RAPGEF5: variants seen among roughly 807,000 people sequenced by gnomAD.
RAPGEF5 encodes Rap guanine nucleotide exchange factor 5.
In RAPGEF5, 65 loss-of-function variants were observed where a neutral mutation model predicts 125.2. The observed-to-expected ratio is 0.52, with a 90% CI of 0.43 to 0.64. RAPGEF5 has a LOEUF of 0.64. Among genes scored for constraint, RAPGEF5 ranks in the 30% least tolerant of loss-of-function variants. RAPGEF5 has a pLI of 0.00. For missense variants in RAPGEF5, 958 were observed against 1,048.1 expected (o/e 0.91, Z 1.19); for synonymous variants, 391 against 385.9 (o/e 1.01, Z -0.16).
At chr7:22,196,515 ACACC>A (rs1232423511) in intron 9 of RAPGEF5, among the ~76,000 whole-genome samples, 1 of 152,236 alleles carries the variant, frequency 6.6e-6, no homozygotes, top group Admixed American at 6.5e-5. Flanking sequence ...ACTGTTCTGG[ACACC>A]AAGCGGCAAG....
At chr7:22,137,015 G>C (rs748630649) in intron 21 of RAPGEF5, 32 bp from the exon 22 acceptor site, 1 of 1,497,538 alleles carries the variant, frequency 6.7e-7, no homozygotes. Context: ...AAAACAGAAG[G>C]TCACAGAAGT....
intron 18 of RAPGEF5, among the ~76,000 whole-genome samples, chr7:22,149,641 G>A (rs891993392): frequency 5.3e-5 from 8 of 151,682 alleles, no homozygotes; most frequent in African/African-American, 9.7e-5. Context: ...GGCAGCTGAC[G>A]TCCCATCACC....
At chr7:22,163,954 T>A (rs1784083844) in intron 12 of RAPGEF5, among the ~76,000 whole-genome samples, 1 of 152,360 alleles carries the variant, frequency 6.6e-6, no homozygotes, top group South Asian at 2.1e-4. Flanking sequence ...ATCTTTGATT[T>A]CCACCTGTGA....
chr7:22,164,453 T>C (rs1784099981), intron 12 of RAPGEF5, among the ~76,000 whole-genome samples: 1 of 152,148 alleles, frequency 6.6e-6, no homozygotes, highest in African/African-American at 2.4e-5. Flanking sequence ...ATTTTTTAGG[T>C]CATCATATGT....
chr7:22,280,214 C>T (rs936925650), intron 6 of RAPGEF5, among the ~76,000 whole-genome samples: 1 of 152,206 alleles, frequency 6.6e-6, no homozygotes, highest in African/African-American at 2.4e-5. Flanking sequence ...GAGATTTCTA[C>T]AACTCTCACA....
chr7:22,347,338 C>A (rs1377612107), intron 1 of RAPGEF5, among the ~76,000 whole-genome samples: 1 of 152,060 alleles, frequency 6.6e-6, no homozygotes, highest in Non-Finnish European at 1.5e-5. Flanking sequence ...TGTTTGTATA[C>A]CCCATGTTAA....
At position 22,317,882 on chromosome 7, in the gene RAPGEF5, T is replaced by C. The variant is rs75720199; in HGVS notation, c.282+105A>G. ...GATCACTGCAGCATCCCTGCAAAAC[T>C]CTATGTGGTCAGGAGCAAAGGGAAC... On this transcript the variant is annotated intron_variant, in intron 2 of 25. Coordinates refer to ENST00000665637, the MANE Select transcript of RAPGEF5 (RefSeq NM_012294.5). The C allele has an allele frequency of 5.5e-4, 801 of 1,464,108 alleles. 8 individuals carry two copies. The African/African-American group carries it at 9.9e-3, about 18-fold the overall frequency. 90.7% of individuals were successfully genotyped at this position (1,464,108 alleles called of 1,614,324 possible). A position where few individuals can be genotyped will look rare whatever the true frequency, so the allele number is the denominator to read the frequency against.
chr7:22,312,124 A>G (rs372391699), intron 3 of RAPGEF5, among the ~76,000 whole-genome samples: 1 of 152,230 alleles, frequency 6.6e-6, no homozygotes, highest in African/African-American at 2.4e-5. Flanking sequence ...AGGCTTCTCA[A>G]AACTCTGCTT....
chr7:22,308,225 T>C (rs1783388734), intron 5 of RAPGEF5, 114 bp downstream of exon 5: 40 of 1,054,408 alleles, frequency 3.8e-5, no homozygotes, highest in Non-Finnish European at 4.9e-5. Flanking sequence ...AAAATGGGGA[T>C]AGTAACTCCC....
chr7:22,205,962 C>T (rs1785387020), intron 9 of RAPGEF5, among the ~76,000 whole-genome samples: 2 of 152,140 alleles, frequency 1.3e-5, no homozygotes, highest in African/African-American at 4.8e-5. Flanking sequence ...CAGAATGATT[C>T]TTGGCATTGA....
intron 20 of RAPGEF5, among the ~76,000 whole-genome samples, chr7:22,143,364 G>A (rs897235996): frequency 1.3e-5 from 2 of 152,144 alleles, no homozygotes; most frequent in South Asian, 4.2e-4. Flanking sequence ...ACAGTTCAAC[G>A]TGCTAGTTTC....
At position 22,352,656 on chromosome 7, in the gene RAPGEF5, TAAAAA is replaced by T. The variant is rs149659974; in HGVS notation, c.231+4169_231+4173del. On this transcript the variant is annotated intron_variant, in intron 1 of 25. Transcript: ENST00000665637. ...AGATTCATAAGTTCTTAATGACACT[TAAAAA>T]AGAAAAACTCACTGGTTCTCACTGG... is the stretch of plus-strand genomic sequence containing the variant. 4.8e-3 allele frequency among the ~76,000 whole-genome samples: 738 copies of T among 152,186 alleles called. 8 individuals are homozygous for T. The highest frequency in any genetic ancestry group is 0.017 in the African/African-American group (711 of 41,504).
At chr7:22,339,445 G>C (rs1276797350) in intron 1 of RAPGEF5, among the ~76,000 whole-genome samples, 1 of 152,204 alleles carries the variant, frequency 6.6e-6, no homozygotes, top group Admixed American at 6.5e-5. Context: ...AAGAAAGAAA[G>C]AAAGTGTTGT....
At chr7:22,253,489 C>A (rs539909460) in intron 7 of RAPGEF5, among the ~76,000 whole-genome samples, 2 of 152,126 alleles carry the variant, frequency 1.3e-5, no homozygotes, top group Non-Finnish European at 2.9e-5. Context: ...GGGAAATGTA[C>A]GTGGTTGAAA....
chr7:22,276,428 A>T (rs943092424), intron 6 of RAPGEF5, among the ~76,000 whole-genome samples: 1 of 152,182 alleles, frequency 6.6e-6, no homozygotes, highest in African/African-American at 2.4e-5. Flanking sequence ...AGGTAAGATT[A>T]TAAACTACAG....
chr7:22,263,546 A>G (rs1782208284), intron 7 of RAPGEF5, among the ~76,000 whole-genome samples: 1 of 152,164 alleles, frequency 6.6e-6, no homozygotes, highest in South Asian at 2.1e-4. Flanking sequence ...CCTGGCCAAC[A>G]TGGCGAAACA....
chr7:22,294,980 T>C (rs914508419), intron 5 of RAPGEF5, among the ~76,000 whole-genome samples: 4 of 152,208 alleles, frequency 2.6e-5, no homozygotes, highest in African/African-American at 9.6e-5. Flanking sequence ...ATTAGCACAA[T>C]CAAATTTATT....
intron 11 of RAPGEF5, chr7:22,192,355 A>AAGT (rs1785022890): frequency 6.6e-6 from 1 of 152,230 alleles, no homozygotes; most frequent in African/African-American, 2.4e-5. Context: ...TATTTCACAC[A>AAGT]TACTTGTTTC....
chr7:22,213,938 G>A (rs1427260353), intron 9 of RAPGEF5, among the ~76,000 whole-genome samples: 1 of 152,148 alleles, frequency 6.6e-6, no homozygotes, highest in Non-Finnish European at 1.5e-5. Flanking sequence ...TTCATATAGA[G>A]TAAAAAGAGG....
Sources: allele counts gnomAD v4.1 joint callset (sites outside exome capture counted in the v4.1 genomes callset), GRCh38; gene constraint gnomAD v4.1.1; transcripts MANE v1.5; gene names NCBI Gene and HGNC (gene_info 2026-07-23, HGNC 2026-07-21).